SFI1: variants seen among roughly 807,000 people sequenced by gnomAD.
SFI1 encodes the protein protein SFI1 homolog.
Under a neutral mutation model 207.5 loss-of-function variants are expected in SFI1, and 195 were observed. The ratio of observed to expected loss-of-function variants is 0.94; its 90% CI spans 0.84 to 1.06. The LOEUF (loss-of-function observed/expected upper bound fraction) is 1.06, where lower values mean the gene tolerates loss of function less well. Ranked by LOEUF, SFI1 falls within the 50% of genes least tolerant of loss-of-function variation. The probability of loss-of-function intolerance (pLI) is 0.00; values close to 1 mark genes in which losing one functional copy is unlikely to be tolerated. For synonymous variants in SFI1, 630 were observed against 598.9 expected (o/e 1.05, Z -0.76); for missense variants, 1,634 against 1,588.0 (o/e 1.03, Z -0.49).
chr22:31,514,835 A>G (rs1177344397), intron 2 of SFI1, among the ~76,000 whole-genome samples: 2 of 150,850 alleles, frequency 1.3e-5, no homozygotes, highest in Non-Finnish European at 2.9e-5. Context: ...GCAGTGGCAC[A>G]ATCTCAGCTC....
intron 28 of SFI1, 75 bp downstream of exon 28, chr22:31,614,935 G>A (rs1162838509): frequency 2.5e-6 from 4 of 1,583,826 alleles, no homozygotes; most frequent in Non-Finnish European, 3.4e-6. Context: ...GCACCTCCAT[G>A]TGGGGCCTGT....
At chr22:31,549,277 G>A in intron 5 of SFI1, among the ~76,000 whole-genome samples, 1 of 111,296 alleles carries the variant, frequency 9.0e-6, no homozygotes, top group Non-Finnish European at 1.7e-5. Flanking sequence ...GTGACAGAGT[G>A]AGACCCTGTG....
At chr22:31,559,712 A>G (rs578008779) in intron 7 of SFI1, 7 of 842,860 alleles carry the variant, frequency 8.3e-6, no homozygotes, top group South Asian at 7.9e-5. Flanking sequence ...ATGCCAGTAC[A>G]AGATCCCAGA....
At chr22:31,578,183 A>C in intron 10 of SFI1, 199 bp from the exon 11 acceptor site, 1 of 386,640 alleles carries the variant, frequency 2.6e-6, no homozygotes, top group East Asian at 3.8e-5. Flanking sequence ...ATGCAAGACC[A>C]GATGTTTGAT....
intron 8 of SFI1, among the ~76,000 whole-genome samples, chr22:31,563,012 CAG>C (rs2061886382): frequency 7.2e-6 from 1 of 138,464 alleles, no homozygotes; most frequent in Admixed American, 7.1e-5. Flanking sequence ...TGTTTTGAGA[CAG>C]AGTATTGCTC....
chr22:31,543,085 C>T (rs1016461325), intron 4 of SFI1, among the ~76,000 whole-genome samples: 2 of 151,980 alleles, frequency 1.3e-5, no homozygotes, highest in Admixed American at 1.3e-4. Flanking sequence ...ATTCTCCTGC[C>T]TCAGCCTCCT....
intron 6 of SFI1, among the ~76,000 whole-genome samples, chr22:31,553,463 C>G (rs530369299): frequency 6.6e-6 from 1 of 151,232 alleles, no homozygotes; most frequent in South Asian, 2.1e-4. Flanking sequence ...TTAAGTGATT[C>G]TCCCACCTTA....
chr22:31,586,420 A>G (rs1271671418), intron 14 of SFI1, among the ~76,000 whole-genome samples: 1 of 152,228 alleles, frequency 6.6e-6, no homozygotes, highest in African/African-American at 2.4e-5. Context: ...TATTTGGATG[A>G]ATTAATGCAC....
chr22:31,607,240 G>A (rs2069183980), intron 21 of SFI1, among the ~76,000 whole-genome samples: 2 of 152,062 alleles, frequency 1.3e-5, no homozygotes, highest in Admixed American at 1.3e-4. Context: ...CAAGTGTTTT[G>A]TTATTGTGAT....
At chr22:31,595,190 G>T (rs1020406274) in intron 15 of SFI1, among the ~76,000 whole-genome samples, 10 of 151,918 alleles carry the variant, frequency 6.6e-5, no homozygotes, top group Non-Finnish European at 1.0e-4. Flanking sequence ...TAGGGACGGG[G>T]TTTCACCATG....
At chr22:31,584,516 T>C (rs1040659819) in intron 13 of SFI1, among the ~76,000 whole-genome samples, 2 of 152,198 alleles carry the variant, frequency 1.3e-5, no homozygotes, top group South Asian at 2.1e-4. Context: ...ATAAACTTTC[T>C]TGCTGCCAGA....
intron 15 of SFI1, among the ~76,000 whole-genome samples, chr22:31,599,676 A>G (rs1465499794): frequency 6.7e-6 from 1 of 150,316 alleles, no homozygotes; most frequent in South Asian, 2.1e-4. Flanking sequence ...GGGTCTCACT[A>G]TGTCACCCAG....
chr22:31,597,261 C>G (rs1413177229), intron 15 of SFI1, among the ~76,000 whole-genome samples: 1 of 152,314 alleles, frequency 6.6e-6, no homozygotes, highest in Non-Finnish European at 1.5e-5. Flanking sequence ...GGTTTTAGAG[C>G]TATCACTCTG....
chr22:31,601,210 G>T (rs954872131), intron 15 of SFI1, among the ~76,000 whole-genome samples: 1 of 133,326 alleles, frequency 7.5e-6, no homozygotes, highest in South Asian at 2.5e-4. Context: ...TGCAAGCTCC[G>T]CCTCCCGGGT....
Position 31,557,041 on chromosome 22 carries a change from G to T in SFI1, c.644G>T (p.Arg215Met). ...ATGCAGACTACAGCTCTGGAGTTTA[G>T]GCAACGGATTATCTTACGGTGAGTC... is the stretch of plus-strand genomic sequence containing the variant. ...LQMQTTALEF[R>M]QRIILRVWWS... The change falls in exon 7 of 33, where the codon AGG becomes ATG. Residue 215 changes from arginine (R) to methionine (M), a missense_variant. Arg to Met is a moderately conservative substitution (Grantham distance 91, BLOSUM62 -1). Transcript: ENST00000400288. The T allele has an allele frequency of 1.2e-6, 2 of 1,606,490 alleles. No individual in the cohort carries two copies. Among genetic ancestry groups the T allele is most frequent in the South Asian group, 2.2e-5 (2 of 90,338 alleles).
chr22:31,571,252 T>C (rs1261604199), intron 8 of SFI1, among the ~76,000 whole-genome samples: 2 of 152,172 alleles, frequency 1.3e-5, no homozygotes, highest in Non-Finnish European at 2.9e-5. Flanking sequence ...CACCAAATCA[T>C]AGAAAAGGTG....
intron 9 of SFI1, among the ~76,000 whole-genome samples, chr22:31,574,552 C>A (rs145653189): frequency 6.6e-6 from 1 of 152,198 alleles, no homozygotes; most frequent in Non-Finnish European, 1.5e-5. Flanking sequence ...AAGTCCTATC[C>A]AGGAGACATT....
chr22:31,611,633 C>A (rs2070161695), intron 23 of SFI1, 133 bp from the exon 24 acceptor site: 1 of 915,598 alleles, frequency 1.1e-6, no homozygotes, highest in Non-Finnish European at 1.6e-6. Context: ...ATGCAGGAGA[C>A]CCCTGGCACC....
At chr22:31,610,869 A>C (rs1020598303) in intron 22 of SFI1, among the ~76,000 whole-genome samples, 2 of 152,170 alleles carry the variant, frequency 1.3e-5, no homozygotes, top group Non-Finnish European at 2.9e-5. Flanking sequence ...ACCCCTGTGG[A>C]GGCTGTGGAC....
Sources: allele counts gnomAD v4.1 joint callset (sites outside exome capture counted in the v4.1 genomes callset), GRCh38; gene constraint gnomAD v4.1.1; transcripts MANE v1.5; gene names NCBI Gene and HGNC (gene_info 2026-07-23, HGNC 2026-07-21).